WIF1: variants seen among roughly 807,000 people sequenced by gnomAD.
WIF1 encodes Wnt inhibitory factor 1.
In WIF1, 35 loss-of-function variants were observed where a neutral mutation model predicts 53.5. The ratio of observed to expected loss-of-function variants is 0.65; its 90% CI spans 0.50 to 0.87. The LOEUF is 0.87. Among genes scored for constraint, WIF1 ranks in the 40% least tolerant of loss-of-function variants. The probability of loss-of-function intolerance (pLI) is 0.00; values close to 1 mark genes in which losing one functional copy is unlikely to be tolerated. For synonymous variants in WIF1, 171 were observed against 170.4 expected (o/e 1.00, Z -0.03); for missense variants, 467 against 476.8 (o/e 0.98, Z 0.19).
intron 7 of WIF1, among the ~76,000 whole-genome samples, chr12:65,060,005 C>T (rs144733715): frequency 2.3e-4 from 33 of 146,412 alleles, no homozygotes; most frequent in African/African-American, 8.0e-4. Flanking sequence ...AACATGGCAT[C>T]GGAGTATACA....
At chr12:65,072,236 C>G (rs1882795613) in intron 3 of WIF1, among the ~76,000 whole-genome samples, 1 of 152,160 alleles carries the variant, frequency 6.6e-6, no homozygotes, top group African/African-American at 2.4e-5. Flanking sequence ...AATTTCCTTA[C>G]TGCACACCCA....
intron 2 of WIF1, among the ~76,000 whole-genome samples, chr12:65,085,022 G>C (rs1419293574): frequency 6.6e-6 from 1 of 152,176 alleles, no homozygotes; most frequent in Non-Finnish European, 1.5e-5. Context: ...TGGCAATGAG[G>C]CTCCCAGAAA....
chr12:65,090,332 C>G (rs1592397643), intron 2 of WIF1, among the ~76,000 whole-genome samples: 1 of 152,138 alleles, frequency 6.6e-6, no homozygotes, highest in Non-Finnish European at 1.5e-5. Context: ...TGGGTACAGG[C>G]TTAGCCTTAC....
chr12:65,053,113 G>A (rs1882465950), intron 9 of WIF1, among the ~76,000 whole-genome samples: 1 of 152,170 alleles, frequency 6.6e-6, no homozygotes, highest in African/African-American at 2.4e-5. Context: ...GAAATATTGA[G>A]TCTCCTATAG....
chr12:65,051,007 A>T lies in WIF1; in HGVS notation c.*342T>A, dbSNP rs2136604519. The T allele has an allele frequency of 4.1e-6, 1 of 243,908 alleles. No homozygotes were observed. The highest frequency in any genetic ancestry group is 5.5e-5 in the Admixed American group (1 of 18,072). The allele number at this position is 243,908 out of a possible 1,614,324, so 15.1% of individuals were successfully genotyped here. On this transcript the variant is annotated 3_prime_UTR_variant, in exon 10 of 10. Transcript: ENST00000286574. ...TCTTGTGACTTACGCATTTTTGCCC[A>T]ATTTAACCTTTCTGATGTTCCCCTG...
intron 7 of WIF1, among the ~76,000 whole-genome samples, chr12:65,061,984 A>G (rs1249525214): frequency 2.0e-5 from 3 of 152,056 alleles, no homozygotes; most frequent in Non-Finnish European, 4.4e-5. Context: ...CTACTATTTC[A>G]TTCTTTTTTT....
chr12:65,119,174 A>G (rs376778452), intron 2 of WIF1, among the ~76,000 whole-genome samples: 68 of 152,338 alleles, frequency 4.5e-4, no homozygotes, highest in African/African-American at 1.5e-3. Context: ...TCCCAACTTA[A>G]TTGTTTATGA....
chr12:65,082,875 A>G (rs1882971248), intron 2 of WIF1, among the ~76,000 whole-genome samples: 1 of 152,208 alleles, frequency 6.6e-6, no homozygotes, highest in Admixed American at 6.5e-5. Context: ...CCTCTGAGTT[A>G]AGAATCAAAG....
Position 65,068,862 on chromosome 12 carries a change from A to G in WIF1, c.440T>C (p.Val147Ala). 5 of 1,613,640 alleles carry G rather than the reference A, an allele frequency of 3.1e-6. No homozygotes were observed. The highest frequency in any genetic ancestry group is 4.2e-6 in the Non-Finnish European group (5 of 1,179,716). ...AATCACATCCACTTCAAATGCTGCCACCCCATCCTGTTTTCCAAGACATGG... is the reference window on the plus strand; with the variant it reads ...AATCACATCCACTTCAAATGCTGCCGCCCCATCCTGTTTTCCAAGACATGG... ...GFPCLGKQDG[V>A]AAFEVDVIVM... Residue 147 changes from valine to alanine, a missense_variant, in exon 4 of 10, where the codon GTG (valine) becomes GCG (alanine). Transcript: ENST00000286574.
chr12:65,052,201 C>A (rs1243805781), intron 9 of WIF1, among the ~76,000 whole-genome samples: 1 of 152,170 alleles, frequency 6.6e-6, no homozygotes, highest in Non-Finnish European at 1.5e-5. Flanking sequence ...TAAAAATCTG[C>A]CTGCATCTTC....
intron 2 of WIF1, among the ~76,000 whole-genome samples, chr12:65,081,164 C>A (rs1882943538): frequency 6.6e-6 from 1 of 151,806 alleles, no homozygotes; most frequent in Admixed American, 6.6e-5. Flanking sequence ...CCTTTCAGTT[C>A]CGTGGCTGAT....
At chr12:65,115,976 T>TG (rs1883502791) in intron 2 of WIF1, among the ~76,000 whole-genome samples, 2 of 152,186 alleles carry the variant, frequency 1.3e-5, no homozygotes, top group African/African-American at 2.4e-5. Flanking sequence ...AATAAAGTAT[T>TG]TATAATACAA....
At chr12:65,065,812 G>A (rs1241729450) in intron 6 of WIF1, among the ~76,000 whole-genome samples, 2 of 150,100 alleles carry the variant, frequency 1.3e-5, no homozygotes, top group African/African-American at 5.1e-5. Context: ...TGTGAACTGG[G>A]CAAAATAAAC....
chr12:65,062,391 G>C lies in WIF1; in HGVS notation c.826+90C>G, dbSNP rs901970260. 3.6e-6 allele frequency: 4 copies of C among 1,099,948 alleles called. No homozygotes were observed. In the African/African-American group the frequency reaches 6.4e-5, roughly 18 times the overall value. The allele number at this position is 1,099,948 out of a possible 1,614,324, so 68.1% of individuals were successfully genotyped here. A position where few individuals can be genotyped will look rare whatever the true frequency, so the allele number is the denominator to read the frequency against. ...TAGACAAGTTATTCATTCTCTCTGG[G>C]CTTCCGACTCCTCCTTGATAAAATG... On this transcript the variant is annotated intron_variant, in intron 7 of 9. Transcript: ENST00000286574.
chr12:65,116,014 C>G (rs1196823264), intron 2 of WIF1, among the ~76,000 whole-genome samples: 1 of 152,156 alleles, frequency 6.6e-6, no homozygotes, highest in Non-Finnish European at 1.5e-5. Flanking sequence ...AACTCACACA[C>G]TGTTTATACA....
intron 2 of WIF1, chr12:65,083,703 T>C (rs1882981127): frequency 3.1e-6 from 1 of 327,576 alleles, no homozygotes; most frequent in South Asian, 2.7e-5. Context: ...TGGTTCATTA[T>C]CTTCCAAAAT....
At chr12:65,055,768 C>T (rs1882514811) in intron 8 of WIF1, among the ~76,000 whole-genome samples, 1 of 152,224 alleles carries the variant, frequency 6.6e-6, no homozygotes, top group South Asian at 2.1e-4. Context: ...GAGAGAGACT[C>T]CGTCTCAAAA....
chr12:65,063,935 C>A (rs1431157873), intron 6 of WIF1, among the ~76,000 whole-genome samples: 2 of 152,030 alleles, frequency 1.3e-5, no homozygotes, highest in African/African-American at 4.8e-5. Flanking sequence ...ACACAGGTCA[C>A]AAAAAAATTC....
intron 2 of WIF1, among the ~76,000 whole-genome samples, chr12:65,086,489 A>T (rs978890667): frequency 8.5e-5 from 13 of 152,186 alleles, no homozygotes; most frequent in African/African-American, 3.1e-4. Flanking sequence ...TGTGGGGACC[A>T]GGGTCAGTCT....
Sources: gnomAD v4.1 joint callset for allele counts (sites outside exome capture counted in the v4.1 genomes callset) on GRCh38, gnomAD v4.1.1 for gene constraint, MANE v1.5 for transcripts, NCBI Gene and HGNC (gene_info 2026-07-23, HGNC 2026-07-21) for gene names.